Variants in ZKSCAN7 observed in about 807,000 individuals in gnomAD.
ZKSCAN7 encodes the protein zinc finger protein with KRAB and SCAN domains 7.
ZKSCAN7 carries 38 observed loss-of-function variants against 65.3 expected under a neutral mutation model. The observed-to-expected ratio is 0.58, with a 90% CI of 0.45 to 0.76. The LOEUF is 0.76. ZKSCAN7 is among the 30% of genes least tolerant of loss of function. The pLI is 0.00. For missense variants in ZKSCAN7, 815 were observed against 913.3 expected, an observed-to-expected ratio of 0.89 and a Z score of 1.39; for synonymous variants, 321 against 321.0, an observed-to-expected ratio of 1.00 and a Z score of 0.00.
At chr3:44,575,142 AT>A (rs1326230083), downstream of ZKSCAN7, among the ~76,000 whole-genome samples, 4 of 152,164 alleles carry the variant, frequency 2.6e-5, no homozygotes, top group Admixed American at 6.5e-5. Context: ...AAATAAAAAA[AT>A]ATATTAGTTG....
chr3:44,570,062 A>T lies in ZKSCAN7; in HGVS notation c.952A>T (p.Thr318Ser). Residue 318 changes from threonine to serine, a missense_variant, in exon 6 of 6, where the codon ACT (threonine) becomes TCT (serine). Physicochemically the swap from Thr to Ser is moderately conservative, Grantham distance 58. Coordinates refer to ENST00000426540, the MANE Select transcript of ZKSCAN7 (RefSeq NM_001288590.2). ...AGAGACTGGAGATGTTTGTGAAGATACTTTCAAGGAGTTAGAAGGACAAAC... is the reference window on the plus strand; with the variant it reads ...AGAGACTGGAGATGTTTGTGAAGATTCTTTCAAGGAGTTAGAAGGACAAAC... ...AAETGDVCED[T>S]FKELEGQTSD... 6.2e-7 allele frequency: 1 copy of T among 1,614,044 alleles called. No homozygotes were observed. The highest frequency in any genetic ancestry group is 1.1e-5 in the South Asian group (1 of 91,052).
intron 5 of ZKSCAN7, among the ~76,000 whole-genome samples, 158 bp from the exon 6 acceptor site, chr3:44,569,764 G>A (rs1026424890): frequency 2.0e-5 from 3 of 152,074 alleles, no homozygotes; most frequent in African/African-American, 7.2e-5. Context: ...AAAAAAAATT[G>A]AGCTATTAAT....
intron 2 of ZKSCAN7, among the ~76,000 whole-genome samples, chr3:44,564,796 G>T (rs149672463): frequency 7.2e-5 from 11 of 151,792 alleles, no homozygotes; most frequent in Admixed American, 2.6e-4. Flanking sequence ...TTGTTTGTTT[G>T]GTTTTTGTTT....
chr3:44,571,000 G>C lies in ZKSCAN7; in HGVS notation c.1890G>C (p.Thr630=). The C allele has an allele frequency of 6.2e-7, 1 of 1,613,974 alleles. No homozygotes were observed. The highest frequency in any genetic ancestry group is 8.5e-7 in the Non-Finnish European group (1 of 1,179,992). ...TTATTCGGCACCAGAGACTTCACAC[G>C]GGTGAAAAGCCCTATAAATGCAATG... The part of the protein sequence containing the change: ...KCLIRHQRLH[T]GEKPYKCNEC... The change falls in exon 6 of 6, where the codon ACG becomes ACC. Residue 630 remains threonine (T), a synonymous_variant. Transcript: ENST00000426540.
At position 44,570,114 on chromosome 3, in the gene ZKSCAN7, A is replaced by G. The variant is rs760123096; in HGVS notation, c.1004A>G (p.Glu335Gly). 2 of 1,613,914 alleles carry G rather than the reference A, an allele frequency of 1.2e-6. No homozygotes were observed. The highest frequency in any genetic ancestry group is 1.7e-6 in the Non-Finnish European group (2 of 1,179,992). The part of the protein sequence containing the change: ...QTSDEEGSRL[E>G]NDFLEITDED... ...TCAGATGAAGAAGGGAGCAGACTAG[A>G]AAATGATTTCTTGGAAATAACAGAT... The change falls in exon 6 of 6, where the codon GAA (glutamate) becomes GGA (glycine). Residue 335 changes from glutamate to glycine, a missense_variant. By Grantham distance (98) the Glu-to-Gly change is moderately conservative (BLOSUM62 -2). Around this residue, in one of 3 missense-constraint regions of ZKSCAN7, gnomAD observed 578 missense variants for 629.5 expected, o/e 0.92. Coordinates refer to ENST00000426540, the MANE Select transcript of ZKSCAN7 (RefSeq NM_001288590.2).
At chr3:44,566,323 A>G (rs987058983) in intron 3 of ZKSCAN7, among the ~76,000 whole-genome samples, 2 of 152,208 alleles carry the variant, frequency 1.3e-5, no homozygotes, top group Non-Finnish European at 2.9e-5. Flanking sequence ...TTTGGGAGTC[A>G]GAGGATAATG....
In ZKSCAN7 at chr3:44,565,485, A is replaced by T. The variant is rs1409658465; in HGVS notation, c.424-2A>T. On this transcript the variant is annotated splice_acceptor_variant, in intron 2 of 5. Transcript: ENST00000426540. LOFTEE classifies it high-confidence loss of function. ...AACCCAATTGTATTTCCCTCTCTCT[A>T]GGTTTCAGCCCCAGCACAGAAACAG... 6.2e-7 allele frequency: 1 copy of T among 1,604,064 alleles called. No individual in the cohort carries two copies. Among genetic ancestry groups the T allele is most frequent in the Non-Finnish European group, 8.5e-7 (1 of 1,175,512 alleles).
chr3:44,566,687 G>A (rs990905685), intron 3 of ZKSCAN7, among the ~76,000 whole-genome samples: 1 of 151,776 alleles, frequency 6.6e-6, no homozygotes, highest in Non-Finnish European at 1.5e-5. Flanking sequence ...ACCCAGGCTG[G>A]AGTGCAATGG....
chr3:44,567,226 G>A (rs1245513469), intron 3 of ZKSCAN7, among the ~76,000 whole-genome samples: 47 of 151,922 alleles, frequency 3.1e-4, no homozygotes, highest in Admixed American at 3.0e-3. Context: ...GAAAAGAAAG[G>A]AAAGGAAAAG....
intron 5 of ZKSCAN7, 132 bp from the exon 6 acceptor site, chr3:44,569,790 C>A: frequency 7.3e-7 from 1 of 1,366,054 alleles, no homozygotes; most frequent in East Asian, 2.6e-5. Flanking sequence ...CCATTTTGCT[C>A]TTGTTCTCAA....
At chr3:44,580,268 G>A in intron 5 of ZKSCAN7, 1 of 1,613,864 alleles carries the variant, frequency 6.2e-7, no homozygotes, top group Non-Finnish European at 8.5e-7. Flanking sequence ...TGCGGCCACA[G>A]TCCATGCGGT....
chr3:44,566,745 A>G (rs983985672), intron 3 of ZKSCAN7, among the ~76,000 whole-genome samples: 56 of 152,002 alleles, frequency 3.7e-4, no homozygotes, highest in Non-Finnish European at 1.0e-4. Context: ...GGCTCAAGAA[A>G]TCCTCCCACC....
Position 44,565,614 on chromosome 3 carries a change from C to T in ZKSCAN7, c.551C>T (p.Pro184Leu). 6.2e-7 allele frequency: 1 copy of T among 1,611,866 alleles called. No individual in the cohort carries two copies. Residue 184 changes from proline to leucine, a missense_variant, in exon 3 of 6, where the codon CCT (proline) becomes CTT (leucine). Coordinates refer to ENST00000426540, the MANE Select transcript of ZKSCAN7 (RefSeq NM_001288590.2). ...GSAPGAHLEPPYDPGTHHLPS... is the reference protein window; with the variant it reads ...GSAPGAHLEPLYDPGTHHLPS... The stretch of plus-strand genomic sequence containing the variant: ...GCCCCTGGAGCCCACCTGGAGCCTC[C>T]TTATGACCCAGGGACACACCACCTC...
Position 44,570,936 on chromosome 3 carries a change from G to A in ZKSCAN7, c.1826G>A (p.Cys609Tyr). The stretch of plus-strand genomic sequence containing the variant: ...CATACTGGAGAAAAACCTTTTGAAT[G>A]TAGCGAGTGTGGTAAGGCATTTGGT... ...RIHTGEKPFE[C>Y]SECGKAFGLS... Residue 609 changes from cysteine to tyrosine, a missense_variant, in exon 6 of 6, where the codon TGT (cysteine) becomes TAT (tyrosine). Cys to Tyr is a radical substitution (Grantham distance 194). Around this residue, in one of 3 missense-constraint regions of ZKSCAN7, gnomAD observed 578 missense variants for 629.5 expected, o/e 0.92. Transcript: ENST00000426540. 1.9e-6 allele frequency: 3 copies of A among 1,614,134 alleles called. No individual in the cohort carries two copies. The highest frequency in any genetic ancestry group is 2.5e-6 in the Non-Finnish European group (3 of 1,179,988).
Position 44,557,225 on chromosome 3 carries a change from T to G in ZKSCAN7, c.178T>G (p.Leu60Val). ...AATCTTCCGGCTACACTTCAGGCAA[T>G]TGTGTTACCACGAGATGTCTGGGCC... is the stretch of plus-strand genomic sequence containing the variant. The part of the protein sequence containing the change: ...CEIFRLHFRQ[L>V]CYHEMSGPQE... The change falls in exon 2 of 6, where the codon TTG (leucine) becomes GTG (valine). Residue 60 changes from leucine (L) to valine (V), a missense_variant. Leu to Val is a conservative substitution (Grantham distance 32). Transcript: ENST00000426540. The G allele has an allele frequency of 6.2e-7, 1 of 1,614,268 alleles. No homozygotes were observed. Among genetic ancestry groups the G allele is most frequent in the Non-Finnish European group, 8.5e-7 (1 of 1,180,052 alleles).
At position 44,571,337 on chromosome 3, in the gene ZKSCAN7, G is replaced by A; in HGVS notation, c.2227G>A (p.Gly743Arg). 1 of 1,614,216 alleles carries A rather than the reference G, an allele frequency of 6.2e-7. No homozygotes were observed. The highest frequency in any genetic ancestry group is 8.5e-7 in the Non-Finnish European group (1 of 1,180,038). Residue 743 changes from glycine (G) to arginine (R), a missense_variant, in exon 6 of 6, where the codon GGA becomes AGA. Gly to Arg is a moderately radical substitution (Grantham distance 125). Around this residue, in one of 3 missense-constraint regions of ZKSCAN7, gnomAD observed 578 missense variants for 629.5 expected, o/e 0.92. Transcript: ENST00000426540. ...TFNHHQRTHT[G>R]EKSSGLAWSV... The stretch of plus-strand genomic sequence containing the variant: ...TAATCACCACCAGCGAACTCACACT[G>A]GAGAGAAGTCCTCAGGTCTGGCTTG...
chr3:44,567,846 G>T (rs1699679793), intron 3 of ZKSCAN7, 66 bp from the exon 4 acceptor site: 1 of 611,828 alleles, frequency 1.6e-6, no homozygotes, highest in African/African-American at 1.9e-5. Context: ...CACTTATTGG[G>T]AATATAGATC....
At position 44,569,898 on chromosome 3, in the gene ZKSCAN7, T is replaced by G; in HGVS notation, c.812-24T>G. The G allele has an allele frequency of 4.6e-6, 7 of 1,510,186 alleles. No individual in the cohort carries two copies. The South Asian group carries it at 8.4e-5, about 18-fold the overall frequency. The allele number at this position is 1,510,186 out of a possible 1,614,324, so 93.5% of individuals were successfully genotyped here. ...AAACAGGATAAGAAATGGGTAAAAG[T>G]TGTTGTCTTCTTTCTTTGGGCAGCA... On this transcript the variant is annotated intron_variant, in intron 5 of 5. Transcript: ENST00000426540.
At chr3:44,580,473 C>T in intron 5 of ZKSCAN7, 1 of 1,604,632 alleles carries the variant, frequency 6.2e-7, no homozygotes, top group Non-Finnish European at 8.5e-7. Flanking sequence ...GGGGATGCTG[C>T]TGCTGCTGCT....
Sources: allele counts gnomAD v4.1 joint callset (sites outside exome capture counted in the v4.1 genomes callset), GRCh38; gene constraint gnomAD v4.1.1; regional missense constraint gnomAD v4.1.1; transcripts MANE v1.5; gene names NCBI Gene and HGNC (gene_info 2026-07-23, HGNC 2026-07-21).